GDNF: variants seen among roughly 807,000 people sequenced by gnomAD.
The protein encoded by GDNF is glial cell derived neurotrophic factor.
A neutral mutation model predicts 13.7 loss-of-function variants in GDNF; 5 were observed. The observed-to-expected ratio is 0.36, with a 90% CI of 0.19 to 0.77. GDNF has a LOEUF of 0.77. GDNF is among the 30% of genes least tolerant of loss of function. The pLI, the probability that GDNF is intolerant of heterozygous loss-of-function variation, is 0.51. For synonymous variants in GDNF, 122 were observed against 112.5 expected (o/e 1.08, Z -0.53); for missense variants, 246 against 274.3 (o/e 0.90, Z 0.73).
At chr5:37,832,652 C>G (rs1277957793) in intron 2 of GDNF, among the ~76,000 whole-genome samples, 1 of 152,196 alleles carries the variant, frequency 6.6e-6, no homozygotes, top group Non-Finnish European at 1.5e-5. Context: ...CTACAACATG[C>G]CCTTGTCCCT....
chr5:37,836,120 C>T (rs570142546), intron 1 of GDNF, among the ~76,000 whole-genome samples: 4 of 152,100 alleles, frequency 2.6e-5, no homozygotes, highest in Non-Finnish European at 4.4e-5. Context: ...TCTCCTCAAG[C>T]GGAATCTGCG....
At chr5:37,835,681 C>T (rs1235843705) in intron 1 of GDNF, 3 of 1,548,598 alleles carry the variant, frequency 1.9e-6, no homozygotes, top group Non-Finnish European at 1.7e-6. Flanking sequence ...TTTTAATCCT[C>T]CGTGGTATAC....
intron 2 of GDNF, among the ~76,000 whole-genome samples, chr5:37,822,818 C>T (rs1750188351): frequency 6.6e-6 from 1 of 152,090 alleles, no homozygotes; most frequent in Admixed American, 6.6e-5. Context: ...AAAAGATCAA[C>T]TTAAAATTGA....
intron 2 of GDNF, among the ~76,000 whole-genome samples, chr5:37,821,836 G>A (rs1224906003): frequency 1.3e-5 from 2 of 152,204 alleles, no homozygotes; most frequent in South Asian, 2.1e-4. Context: ...AGGGCTCCAA[G>A]TCCTCCCTGT....
At chr5:37,817,365 T>C (rs1749970516) in intron 2 of GDNF, among the ~76,000 whole-genome samples, 1 of 152,192 alleles carries the variant, frequency 6.6e-6, no homozygotes, top group South Asian at 2.1e-4. Flanking sequence ...ACCTCATTTT[T>C]CAGGTCATTT....
chr5:37,835,538 T>A (rs1358741928), intron 1 of GDNF: 1 of 1,485,620 alleles, frequency 6.7e-7, no homozygotes, highest in Non-Finnish European at 9.2e-7. Flanking sequence ...CTGATTCGAT[T>A]TAAAATACTC....
intron 2 of GDNF, among the ~76,000 whole-genome samples, chr5:37,830,100 G>T (rs1750469530): frequency 6.6e-6 from 1 of 152,190 alleles, no homozygotes; most frequent in South Asian, 2.1e-4. Context: ...CATTTACCCA[G>T]CTTGTTGCAC....
At chr5:37,828,352 A>G (rs1325074978) in intron 2 of GDNF, among the ~76,000 whole-genome samples, 1 of 152,242 alleles carries the variant, frequency 6.6e-6, no homozygotes, top group African/African-American at 2.4e-5. Flanking sequence ...TTCTCTTCTT[A>G]AAAACATCCT....
rs1442744236 is a variant in GDNF, at chr5:37,838,538, G to T, written c.-27+969C>A. Among the ~76,000 whole-genome samples the T allele has an allele frequency of 2.6e-5, 4 of 152,242 alleles. No homozygotes were observed. The highest frequency in any genetic ancestry group is 9.6e-5 in the African/African-American group (4 of 41,472). ...CCGCCTATGAGCAGAAGGGTCGCGA[G>T]CTCTGGGATGGGTAAGCCCCCCGGG... On this transcript the variant is annotated intron_variant, in intron 1 of 2. Transcript: ENST00000326524. The surrounding 1 kb of genome is among the most constrained non-coding windows in gnomAD (Gnocchi z 4.1).
chr5:37,826,395 C>A lies in GDNF; in HGVS notation c.151+8251G>T, dbSNP rs77247977. Among the ~76,000 whole-genome samples, 19 of 152,278 alleles carry A rather than the reference C, an allele frequency of 1.2e-4. No individual in the cohort carries two copies. In the East Asian group the frequency reaches 3.7e-3, roughly 29 times the overall value. ...ACAGTCTCTAGACAAAGCAAGATTG[C>A]CCAAAAGGGGATCCAGACACTGGTC... On this transcript the variant is annotated intron_variant, in intron 2 of 2. Coordinates refer to ENST00000326524, the MANE Select transcript of GDNF (RefSeq NM_000514.4).
chr5:37,820,911 CT>C (rs976082291), intron 2 of GDNF, among the ~76,000 whole-genome samples: 3 of 151,662 alleles, frequency 2.0e-5, no homozygotes, highest in Non-Finnish European at 4.4e-5. Context: ...AAGCTGAAGG[CT>C]TTTTTTTCCT....
At chr5:37,832,839 C>A (rs1554021487) in intron 2 of GDNF, among the ~76,000 whole-genome samples, 2 of 152,210 alleles carry the variant, frequency 1.3e-5, no homozygotes, top group Non-Finnish European at 2.9e-5. Flanking sequence ...ATCAGAATCT[C>A]CTGGGGTGAG....
intron 2 of GDNF, among the ~76,000 whole-genome samples, chr5:37,822,377 G>C (rs922206820): frequency 1.3e-5 from 2 of 152,220 alleles, no homozygotes; most frequent in Non-Finnish European, 2.9e-5. Context: ...GCCTGGAAGG[G>C]TGAGGGCTAA....
At position 37,839,484 on chromosome 5, in the gene GDNF, C is replaced by T. The variant is rs978960068; in HGVS notation, c.-27+23G>A. On this transcript the variant is annotated intron_variant, in intron 1 of 2. Coordinates refer to ENST00000326524, the MANE Select transcript of GDNF (RefSeq NM_000514.4). This position sits in a 1 kb window ranked among gnomAD's most constrained non-coding sequence, Gnocchi z 5.5. ...ACGCAGGCACCACCCGCTCCCTGCT[C>T]CCCGGCCCGCTCCCTCACTTACCTC... The T allele has an allele frequency of 1.3e-5, 2 of 152,972 alleles. No individual in the cohort carries two copies. Among genetic ancestry groups the T allele is most frequent in the African/African-American group, 2.4e-5 (1 of 41,458 alleles). The allele number at this position is 152,972 out of a possible 1,614,324, so 9.5% of individuals were successfully genotyped here. A position where few individuals can be genotyped will look rare whatever the true frequency, so the allele number is the denominator to read the frequency against.
At chr5:37,829,322 T>C (rs1750436817) in intron 2 of GDNF, among the ~76,000 whole-genome samples, 1 of 152,176 alleles carries the variant, frequency 6.6e-6, no homozygotes, top group Non-Finnish European at 1.5e-5. Flanking sequence ...CCCTCTTCCC[T>C]GAAGTCGTCC....
At position 37,838,426 on chromosome 5, in the gene GDNF, T is replaced by C. The variant is rs1362677387; in HGVS notation, c.-27+1081A>G. The stretch of plus-strand genomic sequence containing the variant: ...TGGAAGAAACATCTCTTCCTTGAAA[T>C]ACCTAAGCATATATTCCAAACACTG... On this transcript the variant is annotated intron_variant, in intron 1 of 2. Transcript: ENST00000326524. The surrounding 1 kb of genome is among the most constrained non-coding windows in gnomAD (Gnocchi z 4.1). Among the ~76,000 whole-genome samples the C allele has an allele frequency of 6.6e-6, 1 of 152,210 alleles. No homozygotes were observed. Among genetic ancestry groups the C allele is most frequent in the African/African-American group, 2.4e-5 (1 of 41,454 alleles).
Position 37,837,221 on chromosome 5 carries a change from C to T in GDNF, c.-27+2286G>A, listed in dbSNP as rs796642269. ...TCAGTTTGTCTCTCTATCGCTTTCC[C>T]AAAACACATCTACATCTGCCCGACG... On this transcript the variant is annotated intron_variant, in intron 1 of 2. Coordinates refer to ENST00000326524, the MANE Select transcript of GDNF (RefSeq NM_000514.4). This position sits in a 1 kb window ranked among gnomAD's most constrained non-coding sequence, Gnocchi z 6.5. Among the ~76,000 whole-genome samples, 1 of 152,224 alleles carries T rather than the reference C, an allele frequency of 6.6e-6. No homozygotes were observed. Among genetic ancestry groups the T allele is most frequent in the African/African-American group, 2.4e-5 (1 of 41,468 alleles).
At chr5:37,831,655 A>G (rs1370543283) in intron 2 of GDNF, among the ~76,000 whole-genome samples, 1 of 152,134 alleles carries the variant, frequency 6.6e-6, no homozygotes, top group African/African-American at 2.4e-5. Flanking sequence ...TCCTGTGATC[A>G]TGGAACTGTG....
In GDNF at chr5:37,819,601, C is replaced by T. The variant is rs993959644; in HGVS notation, c.152-3466G>A. On this transcript the variant is annotated intron_variant, in intron 2 of 2. Transcript: ENST00000326524. ...CCAAGTAGCTGCAATTACAGGTGCC[C>T]GCCATCACACCCGGCTAATTTTTGT... Among the ~76,000 whole-genome samples the T allele has an allele frequency of 4.6e-5, 7 of 151,600 alleles. No individual in the cohort carries two copies. The East Asian group carries it at 9.7e-4, about 21-fold the overall frequency.
Sources: allele counts gnomAD v4.1 joint callset (sites outside exome capture counted in the v4.1 genomes callset), GRCh38; gene constraint gnomAD v4.1.1; non-coding constraint Gnocchi (gnomAD v3.1); transcripts MANE v1.5; gene names NCBI Gene and HGNC (gene_info 2026-07-23, HGNC 2026-07-21).